Variants in TBC1D1 observed in about 807,000 individuals in gnomAD.
The protein encoded by TBC1D1 is TBC1 (tre-2/USP6, BUB2, cdc16) domain family, member 1.
Under a neutral mutation model 125.6 loss-of-function variants are expected in TBC1D1, and 89 were observed. The ratio of observed to expected loss-of-function variants is 0.71; its 90% CI spans 0.60 to 0.85. The LOEUF (loss-of-function observed/expected upper bound fraction) is 0.85. TBC1D1 is among the 40% of genes least tolerant of loss of function. TBC1D1 has a pLI of 0.00. For missense variants in TBC1D1, 1,377 were observed against 1,469.2 expected, an observed-to-expected ratio of 0.94 and a Z score of 1.03; for synonymous variants, 565 against 564.1, an observed-to-expected ratio of 1.00 and a Z score of -0.02.
chr4:38,053,112 C>G, intron 11 of TBC1D1: 1 of 1,484,842 alleles, frequency 6.7e-7, no homozygotes, highest in Non-Finnish European at 8.9e-7. Flanking sequence ...TTAGCATCTC[C>G]TACCGTAATG....
At chr4:37,973,337 A>G (rs2152348420) in intron 2 of TBC1D1, among the ~76,000 whole-genome samples, 1 of 152,236 alleles carries the variant, frequency 6.6e-6, no homozygotes, top group East Asian at 1.9e-4. Context: ...TCATGTCCTT[A>G]TTTCACCTGC....
At chr4:38,060,119 C>T (rs751815847) in intron 12 of TBC1D1, among the ~76,000 whole-genome samples, 1 of 152,198 alleles carries the variant, frequency 6.6e-6, no homozygotes, top group Non-Finnish European at 1.5e-5. Flanking sequence ...TTTATCTAGT[C>T]TATCATTGAT....
chr4:37,971,622 C>T (rs10517462), intron 2 of TBC1D1, among the ~76,000 whole-genome samples: 2,397 of 152,210 alleles, frequency 0.016, 73 homozygotes, highest in African/African-American at 0.054. Flanking sequence ...CAGATACTAT[C>T]GTGTTTAGAT....
chr4:38,115,022 C>T (rs1482072045), intron 15 of TBC1D1, among the ~76,000 whole-genome samples: 1 of 151,248 alleles, frequency 6.6e-6, no homozygotes, highest in Non-Finnish European at 1.5e-5. Context: ...CAGGGTGCAG[C>T]AGTGGGGAGG....
At chr4:38,035,740 C>G in intron 8 of TBC1D1, 42 bp downstream of exon 8, 1 of 1,425,494 alleles carries the variant, frequency 7.0e-7, no homozygotes, top group African/African-American at 1.4e-5. Context: ...CAAGTCTCTG[C>G]CAAGTCTCTG....
intron 12 of TBC1D1, among the ~76,000 whole-genome samples, chr4:38,077,206 G>A (rs1048140787): frequency 2.0e-5 from 3 of 152,338 alleles, no homozygotes; most frequent in Admixed American, 2.0e-4. Context: ...ACTATACTGA[G>A]TGTGCAGTTG....
chr4:37,934,398 A>G (rs1723942525), intron 2 of TBC1D1, among the ~76,000 whole-genome samples: 1 of 152,164 alleles, frequency 6.6e-6, no homozygotes, highest in African/African-American at 2.4e-5. Flanking sequence ...AGAACAAGGT[A>G]GCCAGAAATG....
chr4:37,906,511 T>A (rs1717377997), intron 2 of TBC1D1, among the ~76,000 whole-genome samples: 2 of 152,228 alleles, frequency 1.3e-5, no homozygotes, highest in African/African-American at 4.8e-5. Flanking sequence ...ATTGTGCCTA[T>A]AAACTTTTTG....
At chr4:37,933,062 A>C (rs1040727349) in intron 2 of TBC1D1, among the ~76,000 whole-genome samples, 14 of 151,856 alleles carry the variant, frequency 9.2e-5, no homozygotes, top group Admixed American at 3.9e-4. Flanking sequence ...AAAACAAAAA[A>C]ACAAAAAAAC....
intron 2 of TBC1D1, among the ~76,000 whole-genome samples, chr4:37,904,351 G>A (rs1166528789): frequency 1.3e-5 from 2 of 152,174 alleles, no homozygotes; most frequent in Admixed American, 6.5e-5. Context: ...AAAACTACAC[G>A]TATAACTTAA....
chr4:37,995,611 T>A lies in TBC1D1; in HGVS notation c.418-18898T>A. 1 of 482,240 alleles carries A rather than the reference T, an allele frequency of 2.1e-6. No homozygotes were observed. The highest frequency in any genetic ancestry group is 4.1e-6 in the Non-Finnish European group (1 of 243,376). The allele number at this position is 482,240 out of a possible 1,614,324, so 29.9% of individuals were successfully genotyped here. A position where few individuals can be genotyped will look rare whatever the true frequency, so the allele number is the denominator to read the frequency against. ...CAGGTCCAGTACCCTGGCCTTGACC[T>A]CCCCATAGGCTGTCTTATCTCACTT... On this transcript the variant is annotated intron_variant, in intron 2 of 19. Transcript: ENST00000261439. This position sits in a 1 kb window ranked among gnomAD's most constrained non-coding sequence, Gnocchi z 4.3.
chr4:38,127,892 G>A (rs2152623897), intron 18 of TBC1D1, among the ~76,000 whole-genome samples: 1 of 152,234 alleles, frequency 6.6e-6, no homozygotes, highest in Non-Finnish European at 1.5e-5. Context: ...AGAAGGCCAG[G>A]CAGTATATAT....
intron 8 of TBC1D1, among the ~76,000 whole-genome samples, chr4:38,036,902 G>A (rs1747324466): frequency 6.6e-6 from 1 of 152,226 alleles, no homozygotes; most frequent in Non-Finnish European, 1.5e-5. Flanking sequence ...TGTCTCTCCT[G>A]TTCATTTTTG....
At chr4:37,919,083 C>CT (rs1289158504) in intron 2 of TBC1D1, among the ~76,000 whole-genome samples, 3 of 56,502 alleles carry the variant, frequency 5.3e-5, no homozygotes, top group African/African-American at 7.1e-5. Context: ...ACGCCCCCAT[C>CT]TTTAAAAAAA....
chr4:38,110,339 GC>G (rs1239797971), intron 15 of TBC1D1: 1 of 982,634 alleles, frequency 1.0e-6, no homozygotes, highest in African/African-American at 1.7e-5. Flanking sequence ...AGTTTCTGAT[GC>G]CTGGGATGTG....
Position 38,133,261 on chromosome 4 carries a change from G to C in TBC1D1, c.3306+4G>C, listed in dbSNP as rs2152639147. The C allele has an allele frequency of 6.2e-7, 1 of 1,608,278 alleles. No homozygotes were observed. Among genetic ancestry groups the C allele is most frequent in the Non-Finnish European group, 8.5e-7 (1 of 1,178,094 alleles). ...TGACCTCCTTGAACAGTTGCAGGTA[G>C]AGCATATTTATAAAGCAGCTTCCTG... On this transcript the variant is annotated splice_donor_region_variant and intron_variant, in intron 19 of 19. Transcript: ENST00000261439.
At chr4:37,929,674 A>G (rs918822334) in intron 2 of TBC1D1, among the ~76,000 whole-genome samples, 3 of 152,236 alleles carry the variant, frequency 2.0e-5, no homozygotes, top group African/African-American at 7.2e-5. Context: ...TATGGTATCA[A>G]TGAAGATGTA....
chr4:38,095,246 A>T lies in TBC1D1; in HGVS notation c.2237-683A>T, dbSNP rs1421970904. Among the ~76,000 whole-genome samples, 6 of 152,224 alleles carry T rather than the reference A, an allele frequency of 3.9e-5. No homozygotes were observed. The South Asian group carries it at 1.2e-3, about 31-fold the overall frequency. ...CTCCTGAACTTCAGTTTCTGTGGCCATGAAATAAGAGGTTGGGTCCAGGAA... is the reference window on the plus strand; with the variant it reads ...CTCCTGAACTTCAGTTTCTGTGGCCTTGAAATAAGAGGTTGGGTCCAGGAA... On this transcript the variant is annotated intron_variant, in intron 13 of 19. Coordinates refer to ENST00000261439, the MANE Select transcript of TBC1D1 (RefSeq NM_015173.4).
intron 2 of TBC1D1, among the ~76,000 whole-genome samples, chr4:37,953,793 T>C (rs13106860): frequency 0.62 from 94,533 of 151,996 alleles, 30,239 homozygotes; most frequent in East Asian, 0.96. Context: ...GCTTGGTATG[T>C]GGCCAGGGAC....
Sources: gnomAD v4.1 joint callset for allele counts (sites outside exome capture counted in the v4.1 genomes callset) on GRCh38, gnomAD v4.1.1 for gene constraint, Gnocchi (gnomAD v3.1) non-coding constraint, MANE v1.5 for transcripts, NCBI Gene and HGNC (gene_info 2026-07-23, HGNC 2026-07-21) for gene names.